SLC27A6: variants seen among roughly 807,000 people sequenced by gnomAD.
SLC27A6 encodes the protein long-chain fatty acid transport protein 6.
SLC27A6 carries 74 observed loss-of-function variants against 63.9 expected under a neutral mutation model. The observed-to-expected ratio is 1.16, with a 90% CI of 0.96 to 1.40. The LOEUF (loss-of-function observed/expected upper bound fraction) is 1.40. SLC27A6 is among the 40% of genes most tolerant of loss of function. The probability of loss-of-function intolerance (pLI) is 0.00; values close to 1 mark genes in which losing one functional copy is unlikely to be tolerated. For missense variants in SLC27A6, 794 were observed against 732.9 expected, an observed-to-expected ratio of 1.08 and a Z score of -0.96; for synonymous variants, 287 against 260.8, an observed-to-expected ratio of 1.10 and a Z score of -0.97.
Position 128,966,244 on chromosome 5 carries a change from A to C in SLC27A6, c.107A>C (p.Lys36Thr), listed in dbSNP as rs1369665934. The C allele has an allele frequency of 1.9e-6, 3 of 1,613,646 alleles. No homozygotes were observed. The highest frequency in any genetic ancestry group is 4.5e-5 in the East Asian group (2 of 44,882). ...TGGGATGACTTCTGGTTCGTGTTGA[A>C]GGTGGTGCTCATTATAATTCGGCTG... ...YFWDDFWFVL[K>T]VVLIIIRLKK... Residue 36 changes from lysine (K) to threonine (T), a missense_variant, in exon 1 of 10, where the codon AAG becomes ACG. By Grantham distance (78) the Lys-to-Thr change is moderately conservative. Transcript: ENST00000262462.
At chr5:129,006,482 T>A (rs951543605) in intron 4 of SLC27A6, among the ~76,000 whole-genome samples, 1 of 146,626 alleles carries the variant, frequency 6.8e-6, no homozygotes, top group Admixed American at 6.9e-5. Flanking sequence ...TGTGTGTGTG[T>A]GTTGTGTGTC....
At chr5:128,991,504 A>G (rs146097124) in intron 4 of SLC27A6, among the ~76,000 whole-genome samples, 2 of 152,362 alleles carry the variant, frequency 1.3e-5, no homozygotes, top group Non-Finnish European at 2.9e-5. Context: ...TGTTTAGACT[A>G]AAATTAAAAT....
chr5:129,023,905 G>C (rs561490367), intron 6 of SLC27A6, among the ~76,000 whole-genome samples, 195 bp downstream of exon 6: 8 of 152,142 alleles, frequency 5.3e-5, no homozygotes, highest in African/African-American at 1.9e-4. Flanking sequence ...CTTTAAACAG[G>C]TTGCTTATAA....
At chr5:128,998,084 A>G (rs1751216404) in intron 4 of SLC27A6, among the ~76,000 whole-genome samples, 2 of 149,544 alleles carry the variant, frequency 1.3e-5, no homozygotes, top group Non-Finnish European at 3.0e-5. Context: ...ATTTGAGATC[A>G]ATTTAGGCAA....
rs1320975204 is a variant in SLC27A6, at chr5:129,031,926, A to AT, written c.1684-1179dup. Among the ~76,000 whole-genome samples the AT allele has an allele frequency of 5.9e-5, 9 of 151,826 alleles. No homozygotes were observed. The South Asian group carries it at 1.5e-3, about 24-fold the overall frequency. The stretch of plus-strand genomic sequence containing the variant: ...AGGGGAGATGGAGGAGGGAAGGGAG[A>AT]TCAGGGAAGGGGGTTCAAAGTGAAG... On this transcript the variant is annotated intron_variant, in intron 9 of 9. Transcript: ENST00000262462.
intron 4 of SLC27A6, among the ~76,000 whole-genome samples, chr5:129,007,752 AT>A (rs1751593580): frequency 6.6e-6 from 1 of 152,032 alleles, no homozygotes; most frequent in Admixed American, 6.6e-5. Context: ...ATTTACAACT[AT>A]TGGCTTCTTC....
chr5:129,008,262 A>G (rs1443702313), intron 4 of SLC27A6, among the ~76,000 whole-genome samples: 2 of 152,146 alleles, frequency 1.3e-5, no homozygotes, highest in Non-Finnish European at 2.9e-5. Flanking sequence ...GAGATCTTGG[A>G]CATTAGAGAA....
chr5:128,974,478 G>T (rs1195899743), intron 1 of SLC27A6, among the ~76,000 whole-genome samples: 1 of 152,180 alleles, frequency 6.6e-6, no homozygotes, highest in Non-Finnish European at 1.5e-5. Flanking sequence ...TTTGTAATAA[G>T]ATGTAGCTTA....
chr5:128,979,316 G>T (rs940276927), intron 1 of SLC27A6, among the ~76,000 whole-genome samples: 1 of 151,772 alleles, frequency 6.6e-6, no homozygotes, highest in Non-Finnish European at 1.5e-5. Context: ...AACCCTCAGT[G>T]GCCAAGGTTG....
intron 1 of SLC27A6, among the ~76,000 whole-genome samples, chr5:128,967,912 T>TC (rs1204697483): frequency 2.0e-5 from 3 of 147,442 alleles, no homozygotes; most frequent in African/African-American, 7.4e-5. Flanking sequence ...CCCTCCCCAC[T>TC]CCCCCCACCC....
chr5:128,975,039 A>G (rs1456972935), intron 1 of SLC27A6, among the ~76,000 whole-genome samples: 1 of 152,176 alleles, frequency 6.6e-6, no homozygotes, highest in South Asian at 2.1e-4. Context: ...CTTAATGACA[A>G]GGATACTTTT....
At chr5:129,025,891 T>C (rs1752227992) in intron 6 of SLC27A6, among the ~76,000 whole-genome samples, 1 of 152,082 alleles carries the variant, frequency 6.6e-6, no homozygotes, top group Non-Finnish European at 1.5e-5. Context: ...ATCCCAACAC[T>C]TTTGGAGGCT....
At chr5:129,009,812 C>T (rs1751669389) in intron 4 of SLC27A6, among the ~76,000 whole-genome samples, 1 of 151,948 alleles carries the variant, frequency 6.6e-6, no homozygotes, top group Non-Finnish European at 1.5e-5. Context: ...GTAGCTGGGA[C>T]TACAGGTGCA....
At chr5:129,028,262 A>C (rs1378296016) in intron 7 of SLC27A6, 83 bp from the exon 8 acceptor site, 1 of 855,622 alleles carries the variant, frequency 1.2e-6, no homozygotes, top group Non-Finnish European at 2.0e-6. Flanking sequence ...CACAGTGCCA[A>C]ATGCAAGACA....
intron 1 of SLC27A6, among the ~76,000 whole-genome samples, chr5:128,970,830 G>T (rs77805754): frequency 0.17 from 21,900 of 130,710 alleles, 2,791 homozygotes; most frequent in Middle Eastern, 0.25. Context: ...TGCTTCTCTA[G>T]TTCTTTTAAT....
rs1359229157 is a variant in SLC27A6, at chr5:128,965,503, AGGCCAC to A, written c.-632_-627del. The A allele has an allele frequency of 6.6e-6, 1 of 152,374 alleles. No individual in the cohort carries two copies. The highest frequency in any genetic ancestry group is 2.4e-5 in the African/African-American group (1 of 41,448). The allele number at this position is 152,374 out of a possible 1,614,324, so 9.4% of individuals were successfully genotyped here. Reference sequence around the variant, plus strand: ...GGAACCCTGGAACCCGCTGGCCCTGAGGCCACGGACCGAGACGTGGTGCTGAGCCCC... The same window carrying A: ...GGAACCCTGGAACCCGCTGGCCCTGAGGACCGAGACGTGGTGCTGAGCCCC... On this transcript the variant is annotated 5_prime_UTR_variant, in exon 1 of 10. Transcript: ENST00000262462.
At chr5:128,987,151 T>C (rs1362332791) in intron 2 of SLC27A6, among the ~76,000 whole-genome samples, 2 of 152,114 alleles carry the variant, frequency 1.3e-5, no homozygotes, top group African/African-American at 4.8e-5. Flanking sequence ...TATATATGTA[T>C]ATAGATAGAT....
chr5:128,988,112 G>A (rs923002623), intron 2 of SLC27A6, among the ~76,000 whole-genome samples: 3 of 152,124 alleles, frequency 2.0e-5, no homozygotes, highest in Non-Finnish European at 4.4e-5. Flanking sequence ...ATATATACTG[G>A]AAGTCAGAAG....
intron 4 of SLC27A6, among the ~76,000 whole-genome samples, chr5:129,013,638 G>A (rs1257065515): frequency 6.6e-6 from 1 of 151,848 alleles, no homozygotes; most frequent in African/African-American, 2.4e-5. Flanking sequence ...ATGTCCAACT[G>A]TATTTCCCTG....
Sources: allele counts gnomAD v4.1 joint callset (sites outside exome capture counted in the v4.1 genomes callset), GRCh38; gene constraint gnomAD v4.1.1; transcripts MANE v1.5; gene names NCBI Gene and HGNC (gene_info 2026-07-23, HGNC 2026-07-21).